CLCN4: variants seen among roughly 807,000 people sequenced by gnomAD.
CLCN4 encodes Cl-/H+ antiporter 4, also known as H(+)/Cl(-) exchange transporter 4.
Under a neutral mutation model 41.7 loss-of-function variants are expected in CLCN4, and 1 was observed. The observed-to-expected ratio is 0.02, with a 90% CI of 0.01 to 0.11. CLCN4 has a LOEUF of 0.11. Among genes scored for constraint, CLCN4 ranks in the 10% least tolerant of loss-of-function variants. The pLI is 1.00. For synonymous variants in CLCN4, 277 were observed against 285.8 expected (o/e 0.97, Z 0.31); for missense variants, 287 against 661.0 (o/e 0.43, Z 6.20).
intron 12 of CLCN4, among the ~76,000 whole-genome samples, chrX:10,230,240 A>G (rs754195679): frequency 5.0e-4 from 56 of 111,012 alleles, no homozygotes; most frequent in African/African-American, 1.8e-3. Context: ...GGAAACCTTT[A>G]TTTCTTATGT....
intron 12 of CLCN4, among the ~76,000 whole-genome samples, chrX:10,221,664 G>T (rs1463280345): frequency 8.9e-6 from 1 of 112,065 alleles, no homozygotes; most frequent in Non-Finnish European, 1.9e-5. Flanking sequence ...AAAGAATAGT[G>T]GTAGTACCAT....
At chrX:10,164,803 C>G (rs892468407) in intron 2 of CLCN4, among the ~76,000 whole-genome samples, 2 of 112,237 alleles carry the variant, frequency 1.8e-5, no homozygotes, top group African/African-American at 3.2e-5. Context: ...CCAGGGACAG[C>G]AGAGGAAATG....
At chrX:10,183,848 G>T (rs2147166852) in intron 2 of CLCN4, among the ~76,000 whole-genome samples, 1 of 112,575 alleles carries the variant, frequency 8.9e-6, no homozygotes, top group East Asian at 2.8e-4. Flanking sequence ...CCTTTTGACT[G>T]CATTTTAAGA....
rs947606777 is a variant in CLCN4, at chrX:10,186,448, A to G, written c.145-1067A>G. 3.6e-5 allele frequency among the ~76,000 whole-genome samples: 4 copies of G among 111,369 alleles called. No individual in the cohort carries two copies. In the East Asian group the frequency reaches 1.1e-3, roughly 32 times the overall value. ...GCCAAGAGCAGTCCCCTGTGAATGG[A>G]AAGGGTGTTGTGTAGGGGCCTGCTC... On this transcript the variant is annotated intron_variant, in intron 3 of 12. Coordinates refer to ENST00000380833, the MANE Select transcript of CLCN4 (RefSeq NM_001830.4).
chrX:10,166,531 C>A (rs1306904612), intron 2 of CLCN4, among the ~76,000 whole-genome samples: 1 of 111,653 alleles, frequency 9.0e-6, no homozygotes, highest in Non-Finnish European at 1.9e-5. Context: ...GTGGCAGAGG[C>A]CTGCCTGCTG....
intron 2 of CLCN4, among the ~76,000 whole-genome samples, chrX:10,161,227 G>A (rs1377384078): frequency 9.2e-6 from 1 of 108,981 alleles, no homozygotes; most frequent in Admixed American, 9.8e-5. Flanking sequence ...AAGCCCTGGT[G>A]GGGGAGGTTG....
intron 12 of CLCN4, among the ~76,000 whole-genome samples, chrX:10,232,017 T>C (rs747068775): frequency 8.9e-6 from 1 of 112,169 alleles, no homozygotes; most frequent in Non-Finnish European, 1.9e-5. Flanking sequence ...CATGATATAT[T>C]CTTTTAATGT....
chrX:10,230,920 A>G (rs1015781647), intron 12 of CLCN4, among the ~76,000 whole-genome samples: 1 of 111,944 alleles, frequency 8.9e-6, no homozygotes, highest in African/African-American at 3.3e-5. Flanking sequence ...TGACAAATAT[A>G]TAATATCATG....
chrX:10,163,346 C>CT lies in CLCN4; in HGVS notation c.-12+4801dup, dbSNP rs780245145. ...GTTTAACCACATTTTCAGTGGGTGG[C>CT]TTTTTTATGTGCAGGAATTTTTTTT... On this transcript the variant is annotated intron_variant, in intron 2 of 12. Coordinates refer to ENST00000380833, the MANE Select transcript of CLCN4 (RefSeq NM_001830.4). 3.3e-3 allele frequency among the ~76,000 whole-genome samples: 342 copies of CT among 103,531 alleles called. 2 individuals are homozygous for CT. The highest frequency in any genetic ancestry group is 0.012 in the African/African-American group (332 of 27,800). The allele number at this position is 103,531 out of a possible 115,157, so 89.9% of individuals were successfully genotyped here.
At chrX:10,205,846 T>A (rs1377858770) in intron 6 of CLCN4, among the ~76,000 whole-genome samples, 1 of 109,700 alleles carries the variant, frequency 9.1e-6, no homozygotes, top group East Asian at 2.9e-4. Flanking sequence ...TTTGAACTCC[T>A]GGGCTCAAGC....
At chrX:10,202,953 G>A (rs1345974703) in intron 6 of CLCN4, among the ~76,000 whole-genome samples, 3 of 111,975 alleles carry the variant, frequency 2.7e-5, no homozygotes, top group African/African-American at 9.7e-5. Context: ...AGCCCTGCTC[G>A]CTTCAGTCTC....
At chrX:10,165,330 G>A (rs1383730368) in intron 2 of CLCN4, among the ~76,000 whole-genome samples, 1 of 112,841 alleles carries the variant, frequency 8.9e-6, no homozygotes. Flanking sequence ...CTGCAGAAGA[G>A]GAGAGTCCTG....
chrX:10,208,062 C>T lies in CLCN4; in HGVS notation c.861C>T (p.Pro287=), dbSNP rs755647605. The T allele has an allele frequency of 1.2e-5, 15 of 1,207,776 alleles. No homozygotes were observed. The highest frequency in any genetic ancestry group is 1.1e-4 in the Admixed American group (5 of 45,666). The part of the protein sequence containing the change: ...FSLEEVSYYF[P]LKTLWRSFFA... ...CATCTCAGGTCAGTTACTACTTTCC[C>T]CTGAAGACCTTGTGGAGGTCATTTT... Residue 287 remains proline, a synonymous_variant, in exon 9 of 13, where the codon CCC becomes CCT. Coordinates refer to ENST00000380833, the MANE Select transcript of CLCN4 (RefSeq NM_001830.4).
chrX:10,212,687 G>T (rs372538958), intron 10 of CLCN4, 34 bp downstream of exon 10: 328 of 1,152,705 alleles, frequency 2.8e-4, no homozygotes, highest in Non-Finnish European at 3.4e-4. Flanking sequence ...AGGGGGACCG[G>T]GGAACTAATC....
At chrX:10,195,605 G>C (rs766535130) in intron 5 of CLCN4, among the ~76,000 whole-genome samples, 3 of 111,596 alleles carry the variant, frequency 2.7e-5, no homozygotes, top group Admixed American at 1.9e-4. Flanking sequence ...GAACATTTTC[G>C]TCATCCTTTC....
At chrX:10,216,524 C>T (rs1477702251) in intron 11 of CLCN4, among the ~76,000 whole-genome samples, 3 of 110,804 alleles carry the variant, frequency 2.7e-5, no homozygotes, top group South Asian at 3.8e-4. Flanking sequence ...GAGGACTCAG[C>T]GGGGAGTTGC....
In CLCN4 at chrX:10,183,903, C is replaced by T. The variant is rs769074737; in HGVS notation, c.-11-1119C>T. Among the ~76,000 whole-genome samples, 11 of 112,531 alleles carry T rather than the reference C, an allele frequency of 9.8e-5. No homozygotes were observed. In the South Asian group the frequency reaches 1.5e-3, roughly 15 times the overall value. ...TCCTGGAGCTCCTTGCCCAGGGCAGCGTGCCACCAGCTTCTCATGGCTCTT... is the reference window on the plus strand; with the variant it reads ...TCCTGGAGCTCCTTGCCCAGGGCAGTGTGCCACCAGCTTCTCATGGCTCTT... On this transcript the variant is annotated intron_variant, in intron 2 of 12. Coordinates refer to ENST00000380833, the MANE Select transcript of CLCN4 (RefSeq NM_001830.4).
chrX:10,162,169 C>G (rs748363442), intron 2 of CLCN4, among the ~76,000 whole-genome samples: 1 of 110,515 alleles, frequency 9.0e-6, no homozygotes, highest in Non-Finnish European at 1.9e-5. Flanking sequence ...CAGGGACACG[C>G]CACCACGGCT....
At chrX:10,211,592 C>G (rs1254457685) in intron 9 of CLCN4, among the ~76,000 whole-genome samples, 3 of 112,039 alleles carry the variant, frequency 2.7e-5, no homozygotes, top group Non-Finnish European at 5.6e-5. Context: ...ACCCAAGGAT[C>G]CAAACTTCAC....
Sources: gnomAD v4.1 joint callset for allele counts (sites outside exome capture counted in the v4.1 genomes callset) on GRCh38, gnomAD v4.1.1 for gene constraint, MANE v1.5 for transcripts, NCBI Gene and HGNC (gene_info 2026-07-23, HGNC 2026-07-21) for gene names.